Variants in NFIB observed in about 807,000 individuals in gnomAD.
The protein encoded by NFIB is nuclear factor I B.
Under a neutral mutation model 61.5 loss-of-function variants are expected in NFIB, and 11 were observed. The ratio of observed to expected loss-of-function variants is 0.18; its 90% CI spans 0.11 to 0.30. The LOEUF (loss-of-function observed/expected upper bound fraction) is 0.30, where lower values mean the gene tolerates loss of function less well. Among genes scored for constraint, NFIB ranks in the 10% least tolerant of loss-of-function variants. NFIB has a pLI of 1.00. For missense variants in NFIB, 471 were observed against 608.9 expected, an observed-to-expected ratio of 0.77 and a Z score of 2.38; for synonymous variants, 260 against 216.5, an observed-to-expected ratio of 1.20 and a Z score of -1.76.
the NFIB span, among the ~76,000 whole-genome samples, chr9:14,511,058 A>G: frequency 5.3e-5 from 8 of 152,160 alleles, no homozygotes; most frequent in African/African-American, 1.7e-4. Context: ...AGATTTGCCA[A>G]TTTTGGAGAT....
the NFIB span, among the ~76,000 whole-genome samples, chr9:14,437,729 T>C: frequency 2.6e-5 from 4 of 152,302 alleles, no homozygotes; most frequent in South Asian, 6.2e-4. Flanking sequence ...ATCTCCAGCA[T>C]TGCCACTCCT....
chr9:14,402,798 TTGAAA>T (rs1302830048), upstream of NFIB, among the ~76,000 whole-genome samples: 3 of 152,208 alleles, frequency 2.0e-5, no homozygotes, highest in Admixed American at 1.3e-4. Context: ...TATATTAGCC[TTGAAA>T]TGAAACACTA....
chr9:14,088,307 A>T lies in NFIB; in HGVS notation c.*2T>A. ...CTATTTGACACTTGGAAAGGAACCA[A>T]GCTAGCCCAGGTACCAGGACTGTTG... On this transcript the variant is annotated 3_prime_UTR_variant, in exon 11 of 11. Transcript: ENST00000380953. The T allele has an allele frequency of 6.3e-7, 1 of 1,599,900 alleles. No individual in the cohort carries two copies.
intron 1 of NFIB, among the ~76,000 whole-genome samples, chr9:14,309,698 G>A (rs866634254): frequency 6.6e-6 from 1 of 152,170 alleles, no homozygotes; most frequent in Non-Finnish European, 1.5e-5. Flanking sequence ...AGCTTTCACT[G>A]TAACTACAAA....
the NFIB span, among the ~76,000 whole-genome samples, chr9:14,525,877 C>G: frequency 4.6e-5 from 7 of 152,148 alleles, no homozygotes; most frequent in African/African-American, 1.7e-4. Flanking sequence ...GGGGCACCTA[C>G]TAAGTGCTCA....
intron 3 of NFIB, among the ~76,000 whole-genome samples, chr9:14,162,892 A>G (rs896086499): frequency 4.6e-5 from 7 of 152,060 alleles, no homozygotes; most frequent in African/African-American, 1.4e-4. Context: ...TTATGGCATA[A>G]TAAAATTAAA....
chr9:14,240,876 T>C (rs897621822), intron 2 of NFIB, among the ~76,000 whole-genome samples: 1 of 152,186 alleles, frequency 6.6e-6, no homozygotes, highest in Non-Finnish European at 1.5e-5. Context: ...AGTATCACAA[T>C]GAAGTAGCAT....
intron 2 of NFIB, among the ~76,000 whole-genome samples, chr9:14,243,302 C>T (rs2054540023): frequency 6.6e-6 from 1 of 152,074 alleles, no homozygotes; most frequent in South Asian, 2.1e-4. Context: ...GAAGAAAAAG[C>T]AACTTATATT....
intron 1 of NFIB, among the ~76,000 whole-genome samples, chr9:14,389,452 G>T (rs1444651970): frequency 6.6e-6 from 1 of 152,088 alleles, no homozygotes; most frequent in Non-Finnish European, 1.5e-5. Context: ...CTAAGATATA[G>T]ATTTTTCCTT....
chr9:14,255,964 G>A (rs1194472658), intron 2 of NFIB, among the ~76,000 whole-genome samples: 1 of 152,190 alleles, frequency 6.6e-6, no homozygotes, highest in Non-Finnish European at 1.5e-5. Context: ...CTGTACTCAA[G>A]GCACCTAGTT....
chr9:14,282,181 T>G (rs2058417973), intron 2 of NFIB, among the ~76,000 whole-genome samples: 1 of 152,198 alleles, frequency 6.6e-6, no homozygotes, highest in African/African-American at 2.4e-5. Context: ...ACCATTCCCT[T>G]ACACTGATAA....
chr9:14,105,483 T>C (rs551162263), intron 10 of NFIB, among the ~76,000 whole-genome samples: 1 of 152,304 alleles, frequency 6.6e-6, no homozygotes, highest in African/African-American at 2.4e-5. Flanking sequence ...ACGCTATAAC[T>C]TAAGCCAGGT....
chr9:14,170,698 C>G (rs1043273440), intron 3 of NFIB, among the ~76,000 whole-genome samples: 1 of 152,088 alleles, frequency 6.6e-6, no homozygotes, highest in Non-Finnish European at 1.5e-5. Context: ...CAACACTGCC[C>G]AGAACAGCAG....
the NFIB span, among the ~76,000 whole-genome samples, chr9:14,414,706 T>C: frequency 0.023 from 3,546 of 152,158 alleles, 146 homozygotes; most frequent in African/African-American, 0.08. Context: ...AATGACAATT[T>C]TGTTGTTACA....
At chr9:14,454,400 G>C in the NFIB span, among the ~76,000 whole-genome samples, 6 of 152,186 alleles carry the variant, frequency 3.9e-5, no homozygotes, top group African/African-American at 1.4e-4. Flanking sequence ...CAAAATGTTT[G>C]AATGACATCA....
rs549699807 is a variant in NFIB, at chr9:14,152,939, G to C, written c.686-2674C>G. Among the ~76,000 whole-genome samples the C allele has an allele frequency of 2.0e-5, 3 of 151,970 alleles. No homozygotes were observed. In the East Asian group the frequency reaches 5.8e-4, roughly 29 times the overall value. On this transcript the variant is annotated intron_variant, in intron 4 of 10. Coordinates refer to ENST00000380953, the MANE Select transcript of NFIB (RefSeq NM_001190737.2). ...AACATACAGTTATAATAGACAGAAA[G>C]AATAATTTCCAGTATTTGATAGCAC...
the NFIB span, among the ~76,000 whole-genome samples, chr9:14,510,176 G>T: frequency 6.6e-6 from 1 of 152,222 alleles, no homozygotes; most frequent in Non-Finnish European, 1.5e-5. Flanking sequence ...GATTACAGGC[G>T]TGAGCCACCG....
At chr9:14,426,199 G>A in the NFIB span, among the ~76,000 whole-genome samples, 1 of 151,744 alleles carries the variant, frequency 6.6e-6, no homozygotes, top group African/African-American at 2.4e-5. Flanking sequence ...AAAAAAATCA[G>A]AGCGCTCTGT....
intron 1 of NFIB, among the ~76,000 whole-genome samples, chr9:14,333,179 A>G (rs1231408071): frequency 6.6e-6 from 1 of 152,212 alleles, no homozygotes; most frequent in Non-Finnish European, 1.5e-5. Context: ...GCTCACTTTC[A>G]CAACACTTAT....
Sources: allele counts gnomAD v4.1 joint callset (sites outside exome capture counted in the v4.1 genomes callset), GRCh38; gene constraint gnomAD v4.1.1; transcripts MANE v1.5; gene names NCBI Gene and HGNC (gene_info 2026-07-23, HGNC 2026-07-21).